The following AIM2 variants were observed in gnomAD, a reference collection of about 807,000 sequenced individuals.
AIM2 encodes interferon-inducible protein AIM2.
AIM2 carries 30 observed loss-of-function variants against 27.7 expected under a neutral mutation model. That is an observed-to-expected ratio of 1.08 (90% CI 0.81 to 1.47). The LOEUF is 1.47. AIM2 is among the 40% of genes most tolerant of loss of function. The pLI is 0.00. For missense variants in AIM2, 358 were observed against 411.3 expected, an observed-to-expected ratio of 0.87 and a Z score of 1.12; for synonymous variants, 141 against 145.3, an observed-to-expected ratio of 0.97 and a Z score of 0.21.
chr1:159,110,357 G>T (rs1657538954), intron 1 of AIM2, among the ~76,000 whole-genome samples: 1 of 152,130 alleles, frequency 6.6e-6, no homozygotes, highest in African/African-American at 2.4e-5. Context: ...CTCATTTTGA[G>T]AAAAAAATCT....
At chr1:159,071,881 A>G (rs930567193) in intron 2 of AIM2, among the ~76,000 whole-genome samples, 1 of 151,948 alleles carries the variant, frequency 6.6e-6, no homozygotes, top group African/African-American at 2.4e-5. Context: ...TGGATAATCT[A>G]CTCCTGAGTT....
chr1:159,139,763 ACACATACCCGCCCTGTTTCCAC>A (rs1648076527), intron 1 of AIM2, among the ~76,000 whole-genome samples: 1 of 152,326 alleles, frequency 6.6e-6, no homozygotes, highest in East Asian at 1.9e-4. Flanking sequence ...CTATTTGGGC[ACACATACCCGCCCTGTTTCCAC>A]CTCATCCCCA....
At chr1:159,071,325 A>G (rs961153189) in intron 2 of AIM2, among the ~76,000 whole-genome samples, 9 of 152,258 alleles carry the variant, frequency 5.9e-5, no homozygotes, top group African/African-American at 1.7e-4. Context: ...TTAACCAAGA[A>G]TGACAGATTA....
upstream of AIM2, chr1:159,081,690 TA>T: frequency 4.1e-6 from 1 of 241,336 alleles, no homozygotes. Context: ...GATCCAAAAA[TA>T]AAAGGACAAT....
At chr1:159,132,842 A>G (rs1002922293) in intron 1 of AIM2, among the ~76,000 whole-genome samples, 1 of 152,304 alleles carries the variant, frequency 6.6e-6, no homozygotes, top group Middle Eastern at 3.4e-3. Flanking sequence ...TCTCTGCTAT[A>G]TTATTATCAT....
At position 159,063,510 on chromosome 1, in the gene AIM2, T is replaced by G. The variant is rs775750094; in HGVS notation, c.981A>C (p.Thr327=). The stretch of plus-strand genomic sequence containing the variant: ...CCTTTATGGTGCTATGAACTCCAGA[T>G]GTCAGCTGTAGTTTTTCTCCATTTT... ...LSKNGEKLQL[T]SGVHSTIKVI... Residue 327 remains threonine, a synonymous_variant, in exon 5 of 6, where the codon ACA becomes ACC. Coordinates refer to ENST00000368130, the MANE Select transcript of AIM2 (RefSeq NM_004833.3). The G allele has an allele frequency of 4.3e-6, 7 of 1,613,874 alleles. No individual in the cohort carries two copies. The highest frequency in any genetic ancestry group is 5.9e-6 in the Non-Finnish European group (7 of 1,179,976).
downstream of AIM2, among the ~76,000 whole-genome samples, chr1:159,058,686 C>A (rs564503275): frequency 2.6e-5 from 4 of 152,120 alleles, no homozygotes; most frequent in South Asian, 8.3e-4. Context: ...ACTCACCCAC[C>A]GATTCTCGAG....
At chr1:159,117,220 C>T (rs903773737) in intron 1 of AIM2, among the ~76,000 whole-genome samples, 5 of 151,878 alleles carry the variant, frequency 3.3e-5, no homozygotes, top group East Asian at 1.9e-4. Context: ...CATTTGTGTG[C>T]GCACGAGAGA....
chr1:159,141,668 C>T (rs1305173455), upstream of AIM2, among the ~76,000 whole-genome samples: 1 of 152,086 alleles, frequency 6.6e-6, no homozygotes. Flanking sequence ...CGCGCTCGTC[C>T]ATTGCGCCAC....
intron 1 of AIM2, among the ~76,000 whole-genome samples, chr1:159,118,272 C>T (rs1292632413): frequency 6.6e-6 from 1 of 152,142 alleles, no homozygotes; most frequent in Non-Finnish European, 1.5e-5. Context: ...GGTTTTGTAT[C>T]CCCTTGACAT....
chr1:159,108,052 A>G (rs1361317260), intron 1 of AIM2, among the ~76,000 whole-genome samples: 2 of 152,240 alleles, frequency 1.3e-5, no homozygotes, highest in African/African-American at 2.4e-5. Flanking sequence ...AATTAATTCT[A>G]TGAAGCCAGT....
At chr1:159,094,158 G>A (rs755187174) in intron 1 of AIM2, among the ~76,000 whole-genome samples, 48 of 152,220 alleles carry the variant, frequency 3.2e-4, no homozygotes, top group East Asian at 1.9e-4. Flanking sequence ...GAACTGGAAA[G>A]TGGCTAGAAC....
chr1:159,055,985 G>C, the AIM2 span, among the ~76,000 whole-genome samples: 1 of 152,252 alleles, frequency 6.6e-6, no homozygotes, highest in South Asian at 2.1e-4. Context: ...GGGTGTGTAC[G>C]TTAGGAGAGG....
chr1:159,123,727 T>A (rs1647605107), intron 1 of AIM2: 1 of 152,194 alleles, frequency 6.6e-6, no homozygotes, highest in South Asian at 2.1e-4. Flanking sequence ...AACAAGCGGG[T>A]GTTTCACACT....
At chr1:159,092,050 T>A (rs1657058440) in intron 1 of AIM2, among the ~76,000 whole-genome samples, 1 of 152,150 alleles carries the variant, frequency 6.6e-6, no homozygotes. Flanking sequence ...CTTAGGTGAG[T>A]CATCTTATCA....
At chr1:159,121,392 G>A (rs1299951852) in intron 1 of AIM2, among the ~76,000 whole-genome samples, 1 of 152,202 alleles carries the variant, frequency 6.6e-6, no homozygotes, top group African/African-American at 2.4e-5. Flanking sequence ...CATATTGTGA[G>A]TGTACCTGTG....
At chr1:159,078,272 G>A (rs1027119256), upstream of AIM2, among the ~76,000 whole-genome samples, 3 of 152,208 alleles carry the variant, frequency 2.0e-5, no homozygotes, top group Non-Finnish European at 4.4e-5. Flanking sequence ...AGGCACATGA[G>A]GGAAGAGATT....
intron 1 of AIM2, among the ~76,000 whole-genome samples, chr1:159,132,798 G>A (rs893367725): frequency 3.3e-5 from 5 of 152,066 alleles, no homozygotes; most frequent in Non-Finnish European, 7.4e-5. Flanking sequence ...CCTCCAAATG[G>A]GTCCTTAACA....
In AIM2 at chr1:159,066,004, T is replaced by C; in HGVS notation, c.722A>G (p.Asn241Ser). The change falls in exon 4 of 6, where the codon AAC (asparagine) becomes AGC (serine). Residue 241 changes from asparagine (N) to serine (S), a missense_variant. Physicochemically the swap from Asn to Ser is conservative, Grantham distance 46. Transcript: ENST00000368130. ...GGTTTCACCAGCTTTTCTGATAATG[T>C]TCAGCGGGACATTAACCTTTTGGTC... Reference protein sequence around the residue: ...ESDQKVNVPLNIIRKAGETPK... With the variant: ...ESDQKVNVPLSIIRKAGETPK... 1 of 1,614,180 alleles carries C rather than the reference T, an allele frequency of 6.2e-7. No homozygotes were observed. Among genetic ancestry groups the C allele is most frequent in the Non-Finnish European group, 8.5e-7 (1 of 1,180,028 alleles).
Sources: gnomAD v4.1 joint callset for allele counts (sites outside exome capture counted in the v4.1 genomes callset) on GRCh38, gnomAD v4.1.1 for gene constraint, MANE v1.5 for transcripts, NCBI Gene and HGNC (gene_info 2026-07-23, HGNC 2026-07-21) for gene names.